The following SSH1 variants were observed in gnomAD, a reference collection of about 807,000 sequenced individuals.
SSH1 encodes the protein protein phosphatase Slingshot homolog 1.
Under a neutral mutation model 79.7 loss-of-function variants are expected in SSH1, and 43 were observed. That is an observed-to-expected ratio of 0.54 (90% CI 0.42 to 0.70). SSH1 has a LOEUF of 0.70. SSH1 is among the 30% of genes least tolerant of loss of function. The pLI is 0.00. For missense variants in SSH1, 1,206 were observed against 1,358.8 expected, an observed-to-expected ratio of 0.89 and a Z score of 1.77; for synonymous variants, 599 against 538.3, an observed-to-expected ratio of 1.11 and a Z score of -1.56.
chr12:108,817,352 T>C, intron 4 of SSH1, 193 bp from the exon 5 acceptor site: 5 of 656,058 alleles, frequency 7.6e-6, no homozygotes, highest in Non-Finnish European at 1.0e-5. Flanking sequence ...GGTAGGCAGA[T>C]CACTTGAGGT....
chr12:108,821,351 G>C (rs1237659731), intron 3 of SSH1, among the ~76,000 whole-genome samples: 1 of 151,766 alleles, frequency 6.6e-6, no homozygotes, highest in Admixed American at 6.6e-5. Context: ...CTATGATCAG[G>C]CCACTGCACG....
chr12:108,788,990 T>C lies in SSH1; in HGVS notation c.2148A>G (p.Pro716=). The part of the protein sequence containing the change: ...SGPTEPPPFL[P]PAGSRRADTS... ...TGTCTGCCCTCCTGGAGCCTGCTGG[T>C]GGTAGGAACGGGGGAGGTTCGGTTG... The change falls in exon 15 of 15, where the codon CCA becomes CCG. Residue 716 remains proline, a synonymous_variant. Coordinates refer to ENST00000326495, the MANE Select transcript of SSH1 (RefSeq NM_018984.4). 2 of 1,610,238 alleles carry C rather than the reference T, an allele frequency of 1.2e-6. No individual in the cohort carries two copies. The highest frequency in any genetic ancestry group is 1.7e-6 in the Non-Finnish European group (2 of 1,177,942).
intron 2 of SSH1, among the ~76,000 whole-genome samples, chr12:108,829,346 C>G (rs1593105741): frequency 6.6e-6 from 1 of 152,076 alleles, no homozygotes; most frequent in Non-Finnish European, 1.5e-5. Context: ...CGGTGGGGAA[C>G]AAAAGTAAAA....
rs148301801 is a variant in SSH1, at chr12:108,788,450, C to A, written c.2688G>T (p.Lys896Asn). Residue 896 changes from lysine (K) to asparagine (N), a missense_variant, in exon 15 of 15, where the codon AAG (lysine) becomes AAT (asparagine). Lys to Asn is a moderately conservative substitution (Grantham distance 94). Transcript: ENST00000326495. ...GGCGGTAGAAGAAAGGAGGGGGGCT[C>A]TTCAGTGAGCCTCCTTCCAATGAAG... Reference protein sequence around the residue: ...APASLEGGSLKSPPPFFYRLD... With the variant: ...APASLEGGSLNSPPPFFYRLD... 45 of 1,568,596 alleles carry A rather than the reference C, an allele frequency of 2.9e-5. No individual in the cohort carries two copies. In the African/African-American group the frequency reaches 5.7e-4, roughly 20 times the overall value.
rs539342185 is a variant in SSH1, at chr12:108,820,806, G to GT, written c.214+2451dup. Among the ~76,000 whole-genome samples, 77 of 152,312 alleles carry GT rather than the reference G, an allele frequency of 5.1e-4. 2 individuals carry two copies. The South Asian group carries it at 8.7e-3, about 17-fold the overall frequency. On this transcript the variant is annotated intron_variant, in intron 3 of 14. Transcript: ENST00000326495. ...ATTCTAGGGAAAAAAAGGAACTAACGTAAGTCTAGTCTGCGTCTGTCCCAA... is the reference window on the plus strand; with the variant it reads ...ATTCTAGGGAAAAAAAGGAACTAACGTTAAGTCTAGTCTGCGTCTGTCCCAA...
At chr12:108,848,141 A>G (rs893249326) in intron 2 of SSH1, among the ~76,000 whole-genome samples, 5 of 152,174 alleles carry the variant, frequency 3.3e-5, no homozygotes, top group African/African-American at 4.8e-5. Context: ...AGGAAGAAGC[A>G]TCAAGGGACC....
chr12:108,792,272 C>G lies in SSH1; in HGVS notation c.1893+14G>C. Reference sequence around the variant, plus strand: ...GGATGGGGTGTGCCACCCTGCAGGCCGGGCTCTGCCTACCTCCATGCCGTT... The same window carrying G: ...GGATGGGGTGTGCCACCCTGCAGGCGGGGCTCTGCCTACCTCCATGCCGTT... On this transcript the variant is annotated intron_variant, in intron 14 of 14. Coordinates refer to ENST00000326495, the MANE Select transcript of SSH1 (RefSeq NM_018984.4). 1 of 1,614,134 alleles carries G rather than the reference C, an allele frequency of 6.2e-7. No homozygotes were observed. The highest frequency in any genetic ancestry group is 8.5e-7 in the Non-Finnish European group (1 of 1,180,018).
Position 108,817,145 on chromosome 12 carries a change from C to T in SSH1, c.294G>A (p.Glu98=), listed in dbSNP as rs773933259. 2.5e-6 allele frequency: 4 copies of T among 1,614,058 alleles called. No individual in the cohort carries two copies. The highest frequency in any genetic ancestry group is 1.1e-5 in the South Asian group (1 of 91,084). Reference sequence around the variant, plus strand: ...ACCGGACCCGGTCCGCCCAGGCGCTCTCCAGGCGCACTGCCTGGAACAGGG... The same window carrying T: ...ACCGGACCCGGTCCGCCCAGGCGCTTTCCAGGCGCACTGCCTGGAACAGGG... ...EDRIKLAVRL[E]SAWADRVRYM... is the part of the protein sequence containing the mutation. Residue 98 remains glutamate (E), a synonymous_variant, in exon 5 of 15, where the codon GAG becomes GAA. Transcript: ENST00000326495.
intron 2 of SSH1, among the ~76,000 whole-genome samples, chr12:108,833,015 G>C (rs142585897): frequency 1.3e-5 from 2 of 152,282 alleles, no homozygotes; most frequent in African/African-American, 4.8e-5. Context: ...AGAAGGCGTA[G>C]GCTTCTCTCA....
chr12:108,799,102 A>G lies in SSH1; in HGVS notation c.1247T>C (p.Leu416Pro). 1 of 1,614,212 alleles carries G rather than the reference A, an allele frequency of 6.2e-7. No homozygotes were observed. The highest frequency in any genetic ancestry group is 8.5e-7 in the Non-Finnish European group (1 of 1,180,040). Residue 416 changes from leucine (L) to proline (P), a missense_variant, in exon 13 of 15, where the codon CTG becomes CCG. This residue lies in a region of SSH1 where 166 missense variants were observed against 262.9 expected (regional missense o/e 0.63). Transcript: ENST00000326495. ...AYAMKEFGWP[L>P]EKAYNYVKQK... Reference sequence around the variant, plus strand: ...CTTTACATAGTTATATGCTTTTTCCAGAGGCCAGCCGAATTCCTTCATTGC... The same window carrying G: ...CTTTACATAGTTATATGCTTTTTCCGGAGGCCAGCCGAATTCCTTCATTGC...
At chr12:108,819,419 G>A (rs976580916) in intron 3 of SSH1, among the ~76,000 whole-genome samples, 1 of 152,218 alleles carries the variant, frequency 6.6e-6, no homozygotes, top group Non-Finnish European at 1.5e-5. Context: ...AGTTGTAAGG[G>A]AGGTGCATAA....
At chr12:108,819,159 G>C (rs1373988229) in intron 3 of SSH1, among the ~76,000 whole-genome samples, 2 of 152,202 alleles carry the variant, frequency 1.3e-5, no homozygotes, top group Non-Finnish European at 2.9e-5. Context: ...GCTGTATGCT[G>C]GTTGCCCAGA....
At chr12:108,839,678 C>G (rs376790912) in intron 2 of SSH1, among the ~76,000 whole-genome samples, 21 of 151,498 alleles carry the variant, frequency 1.4e-4, no homozygotes, top group African/African-American at 4.6e-4. Context: ...AGTAACCATT[C>G]AAGAAAAGAA....
intron 13 of SSH1, 130 bp downstream of exon 13, chr12:108,798,870 G>C (rs2287536): frequency 3.9e-6 from 4 of 1,035,160 alleles, no homozygotes; most frequent in Non-Finnish European, 5.9e-6. Context: ...TGAGAGGCAG[G>C]ATTTTGGCTG....
chr12:108,815,426 C>T (rs1007904761), intron 5 of SSH1, among the ~76,000 whole-genome samples: 9 of 152,176 alleles, frequency 5.9e-5, no homozygotes, highest in Non-Finnish European at 1.0e-4. Context: ...CATGGGAGGC[C>T]GATTTCCGTT....
rs934051526 is a variant in SSH1, at chr12:108,798,834, G to A, written c.1349+166C>T. Reference sequence around the variant, plus strand: ...ACCACTCATCAAAGCCCAAACAATAGTTGTTTTTCTCAAACTGGCTCCCCC... The same window carrying A: ...ACCACTCATCAAAGCCCAAACAATAATTGTTTTTCTCAAACTGGCTCCCCC... On this transcript the variant is annotated intron_variant, in intron 13 of 14. Coordinates refer to ENST00000326495, the MANE Select transcript of SSH1 (RefSeq NM_018984.4). Among the ~76,000 whole-genome samples the A allele has an allele frequency of 5.3e-5, 8 of 152,358 alleles. No individual in the cohort carries two copies. In the East Asian group the frequency reaches 1.5e-3, roughly 29 times the overall value.
intron 2 of SSH1, among the ~76,000 whole-genome samples, chr12:108,837,693 C>T (rs899083539): frequency 6.6e-6 from 1 of 152,126 alleles, no homozygotes; most frequent in East Asian, 1.9e-4. Context: ...TGTGTAATGA[C>T]CAAGTCAGAG....
chr12:108,836,053 A>ATTATAACT (rs1593115065), intron 2 of SSH1, among the ~76,000 whole-genome samples: 2 of 33,510 alleles, frequency 6.0e-5, no homozygotes, highest in Non-Finnish European at 1.4e-4. Flanking sequence ...TAATATAATC[A>ATTATAACT]ATATTAACAA....
chr12:108,807,738 T>C lies in SSH1; in HGVS notation c.626A>G (p.Tyr209Cys), dbSNP rs752083886. 2 of 1,613,336 alleles carry C rather than the reference T, an allele frequency of 1.2e-6. No homozygotes were observed. Among genetic ancestry groups the C allele is most frequent in the Non-Finnish European group, 1.7e-6 (2 of 1,179,586 alleles). Reference protein sequence around the residue: ...PGGVALIWATYYESCISSEQS... With the variant: ...PGGVALIWATCYESCISSEQS... The stretch of plus-strand genomic sequence containing the variant: ...CTCGGAGCTGATGCAGCTCTCATAG[T>C]AGGTAGCCCAGATGAGAGCTACACC... The change falls in exon 8 of 15, where the codon TAC becomes TGC. Residue 209 changes from tyrosine (Y) to cysteine (C), a missense_variant. Physicochemically the swap from Tyr to Cys is radical, Grantham distance 194. Around this residue, in one of 5 missense-constraint regions of SSH1, gnomAD observed 116 missense variants for 109.0 expected, o/e 1.06. Transcript: ENST00000326495. This position sits in a 1 kb window ranked among gnomAD's most constrained non-coding sequence, Gnocchi z 5.2.
Sources: allele counts gnomAD v4.1 joint callset (sites outside exome capture counted in the v4.1 genomes callset), GRCh38; gene constraint gnomAD v4.1.1; regional missense constraint gnomAD v4.1.1; non-coding constraint Gnocchi (gnomAD v3.1); transcripts MANE v1.5; gene names NCBI Gene and HGNC (gene_info 2026-07-23, HGNC 2026-07-21).